Variants in CSNK1D observed in about 807,000 individuals in gnomAD.
CSNK1D encodes casein kinase 1 delta.
A neutral mutation model predicts 46.6 loss-of-function variants in CSNK1D; 16 were observed. The ratio of observed to expected loss-of-function variants is 0.34; its 90% CI spans 0.23 to 0.52. The LOEUF (loss-of-function observed/expected upper bound fraction) is 0.52. Ranked by LOEUF, CSNK1D falls within the 20% of genes least tolerant of loss-of-function variation. The pLI, the probability that CSNK1D is intolerant of heterozygous loss-of-function variation, is 0.95. For missense variants in CSNK1D, 398 were observed against 578.4 expected (o/e 0.69, Z 3.20); for synonymous variants, 276 against 228.2 (o/e 1.21, Z -1.89).
Position 82,249,598 on chromosome 17 carries a change from G to C in CSNK1D, c.890C>G (p.Ala297Gly), listed in dbSNP as rs1157602834. The change falls in exon 7 of 9, where the codon GCC becomes GGC. Residue 297 changes from alanine to glycine, a missense_variant. Physicochemically the swap from Ala to Gly is moderately conservative, Grantham distance 60 (BLOSUM62 0). Transcript: ENST00000314028. The surrounding 1 kb of genome is among the most constrained non-coding windows in gnomAD (Gnocchi z 6.7). Reference protein sequence around the residue: ...VFDWNMLKFGASRAADDAERE... With the variant: ...VFDWNMLKFGGSRAADDAERE... ...CTCGGCGTCATCGGCGGCCCGGCTG[G>C]CACCCTGAGGAGGCAGGAGGTGAGG... The C allele has an allele frequency of 1.3e-6, 2 of 1,559,848 alleles. No individual in the cohort carries two copies. The highest frequency in any genetic ancestry group is 1.7e-6 in the Non-Finnish European group (2 of 1,157,550).
At chr17:82,261,344 A>ATGC (rs1366236052) in intron 2 of CSNK1D, among the ~76,000 whole-genome samples, 1 of 152,088 alleles carries the variant, frequency 6.6e-6, no homozygotes, top group African/African-American at 2.4e-5. Context: ...GCGGCCACTC[A>ATGC]TGCTGCTATT....
rs188679920 is a variant in CSNK1D, at chr17:82,242,902, G to A, written c.*1879C>T. 2.3e-5 allele frequency: 23 copies of A among 985,420 alleles called. No individual in the cohort carries two copies. Among genetic ancestry groups the A allele is most frequent in the Non-Finnish European group, 2.8e-5 (23 of 829,924 alleles). 61.0% of individuals were successfully genotyped at this position (985,420 alleles called of 1,614,324 possible). A position where few individuals can be genotyped will look rare whatever the true frequency, so the allele number is the denominator to read the frequency against. ...TGGAACCCGGGCGCAGAGCTGCCTCGCACAAACGTTCTGGGCACTACATCG... is the reference window on the plus strand; with the variant it reads ...TGGAACCCGGGCGCAGAGCTGCCTCACACAAACGTTCTGGGCACTACATCG... On this transcript the variant is annotated 3_prime_UTR_variant, in exon 9 of 9. Coordinates refer to ENST00000314028, the MANE Select transcript of CSNK1D (RefSeq NM_001893.6).
chr17:82,241,408 C>T (rs1270203606), downstream of CSNK1D, among the ~76,000 whole-genome samples: 1 of 152,248 alleles, frequency 6.6e-6, no homozygotes, highest in African/African-American at 2.4e-5. Context: ...TAAACCATGC[C>T]TGAGGACACA....
chr17:82,248,916 G>C lies in CSNK1D; in HGVS notation c.1156C>G (p.Leu386Val). The C allele has an allele frequency of 6.2e-7, 1 of 1,609,346 alleles. No individual in the cohort carries two copies. The highest frequency in any genetic ancestry group is 8.5e-7 in the Non-Finnish European group (1 of 1,177,568). The change falls in exon 8 of 9, where the codon CTC becomes GTC. Residue 386 changes from leucine to valine, a missense_variant. Physicochemically the swap from Leu to Val is conservative, Grantham distance 32 (BLOSUM62 1). Transcript: ENST00000314028. The surrounding 1 kb of genome is among the most constrained non-coding windows in gnomAD (Gnocchi z 4.1). ...GAPVNISSSDLTGRQDTSRMS... is the reference protein window; with the variant it reads ...GAPVNISSSDVTGRQDTSRMS... ...CGAGAGGTATCTTGTCGGCCTGTGA[G>C]GTCGGACGAGGAGATGTTGACGGGG...
Position 82,251,290 on chromosome 17 carries a change from A to AGCCC in CSNK1D, c.885+85_885+88dup. Reference sequence around the variant, plus strand: ...ACCAGAGACACTCCCTATATGGTACAGCCCCTCAACAAGACGGCCGCCGGC... The same window carrying AGCCC: ...ACCAGAGACACTCCCTATATGGTACAGCCCGCCCCTCAACAAGACGGCCGCCGGC... On this transcript the variant is annotated intron_variant, in intron 6 of 8. Coordinates refer to ENST00000314028, the MANE Select transcript of CSNK1D (RefSeq NM_001893.6). The surrounding 1 kb of genome is among the most constrained non-coding windows in gnomAD (Gnocchi z 4.5). The AGCCC allele has an allele frequency of 6.8e-7, 1 of 1,474,084 alleles. No individual in the cohort carries two copies. Among genetic ancestry groups the AGCCC allele is most frequent in the Non-Finnish European group, 9.4e-7 (1 of 1,059,232 alleles). 91.3% of individuals were successfully genotyped at this position (1,474,084 alleles called of 1,614,324 possible). A position where few individuals can be genotyped will look rare whatever the true frequency, so the allele number is the denominator to read the frequency against.
intron 2 of CSNK1D, among the ~76,000 whole-genome samples, chr17:82,264,413 T>C (rs983903420): frequency 2.0e-5 from 3 of 152,186 alleles, no homozygotes; most frequent in Non-Finnish European, 4.4e-5. Context: ...GCCCAACTGT[T>C]TGAAAGTCCA....
At chr17:82,256,813 G>A (rs1290892523) in intron 2 of CSNK1D, among the ~76,000 whole-genome samples, 6 of 151,868 alleles carry the variant, frequency 4.0e-5, no homozygotes, top group African/African-American at 1.5e-4. Context: ...CACTGGATCC[G>A]CAACTATACA....
At chr17:82,247,451 A>G (rs1393391399) in intron 8 of CSNK1D, 1 of 985,362 alleles carries the variant, frequency 1.0e-6, no homozygotes, top group Non-Finnish European at 1.2e-6. Context: ...TAAAAGAAAC[A>G]AAAAGCACTC....
chr17:82,267,527 C>A (rs1225520256), intron 1 of CSNK1D, among the ~76,000 whole-genome samples: 2 of 152,172 alleles, frequency 1.3e-5, no homozygotes, highest in Non-Finnish European at 2.9e-5. Flanking sequence ...CCGCCAGTGA[C>A]CATTCTAGAT....
At chr17:82,264,598 C>A (rs552490925) in intron 2 of CSNK1D, among the ~76,000 whole-genome samples, 4 of 152,002 alleles carry the variant, frequency 2.6e-5, no homozygotes, top group Admixed American at 2.0e-4. Flanking sequence ...TTGTTTTGCT[C>A]GGAGAAAACG....
At chr17:82,241,703 C>G, downstream of CSNK1D, among the ~76,000 whole-genome samples, 1 of 152,208 alleles carries the variant, frequency 6.6e-6, no homozygotes, top group East Asian at 1.9e-4. Flanking sequence ...GAGGGAACCA[C>G]GTGAGGCGGG....
intron 3 of CSNK1D, among the ~76,000 whole-genome samples, chr17:82,254,894 A>T (rs1163793594): frequency 1.8e-4 from 22 of 122,940 alleles, no homozygotes; most frequent in African/African-American, 3.8e-4. Flanking sequence ...GAAGCCAGTC[A>T]GCTGAGCCGC....
At chr17:82,247,905 A>G in intron 8 of CSNK1D, 2 of 985,482 alleles carry the variant, frequency 2.0e-6, no homozygotes, top group Non-Finnish European at 2.4e-6. Context: ...GTAAAACCCC[A>G]ATCATTAAAA....
chr17:82,241,410 G>A (rs755990135), downstream of CSNK1D, among the ~76,000 whole-genome samples: 13 of 152,238 alleles, frequency 8.5e-5, no homozygotes, highest in Non-Finnish European at 1.6e-4. Context: ...AACCATGCCT[G>A]AGGACACAGA....
At chr17:82,258,903 T>G (rs915273180) in intron 2 of CSNK1D, among the ~76,000 whole-genome samples, 2 of 152,232 alleles carry the variant, frequency 1.3e-5, no homozygotes, top group African/African-American at 4.8e-5. Context: ...TCACGACAGC[T>G]TTATAGTAAG....
At position 82,248,254 on chromosome 17, in the gene CSNK1D, G is replaced by A. The variant is rs2050900833; in HGVS notation, c.1197+621C>T. 1.0e-6 allele frequency: 1 copy of A among 986,292 alleles called. No homozygotes were observed. Among genetic ancestry groups the A allele is most frequent in the South Asian group, 4.7e-5 (1 of 21,408 alleles). 61.1% of individuals were successfully genotyped at this position (986,292 alleles called of 1,614,324 possible). The stretch of plus-strand genomic sequence containing the variant: ...TAGTTCAAAGAGCACGTTAGCAAAC[G>A]CAAAAGACAACAAAAGCCAGAGCGA... On this transcript the variant is annotated intron_variant, in intron 8 of 8. Transcript: ENST00000314028. The surrounding 1 kb of genome is among the most constrained non-coding windows in gnomAD (Gnocchi z 4.1).
At chr17:82,267,669 T>C (rs4789846) in intron 1 of CSNK1D, among the ~76,000 whole-genome samples, 135,698 of 152,286 alleles carry the variant, frequency 0.89, 60,676 homozygotes, top group African/African-American at 0.97. Context: ...ATGTACTGTG[T>C]AAATGAAAAA....
chr17:82,254,497 G>C (rs1185222700), intron 3 of CSNK1D: 22 of 204,162 alleles, frequency 1.1e-4, no homozygotes, highest in Admixed American at 4.6e-4. Context: ...CCGGAGCCTC[G>C]AGAAGCCAGT....
chr17:82,263,941 T>C (rs1436460644), intron 2 of CSNK1D, among the ~76,000 whole-genome samples: 1 of 152,228 alleles, frequency 6.6e-6, no homozygotes, highest in East Asian at 1.9e-4. Flanking sequence ...GGATTTTTCA[T>C]TCCTGTGGCC....
Sources: allele counts gnomAD v4.1 joint callset (sites outside exome capture counted in the v4.1 genomes callset), GRCh38; gene constraint gnomAD v4.1.1; non-coding constraint Gnocchi (gnomAD v3.1); transcripts MANE v1.5; gene names NCBI Gene and HGNC (gene_info 2026-07-23, HGNC 2026-07-21).